Variants in CAGE1 observed in about 807,000 individuals in gnomAD.
The protein encoded by CAGE1 is cancer antigen 1.
Under a neutral mutation model 94.9 loss-of-function variants are expected in CAGE1, and 66 were observed. The ratio of observed to expected loss-of-function variants is 0.70; its 90% CI spans 0.57 to 0.85. The LOEUF is 0.85. CAGE1 is among the 40% of genes least tolerant of loss of function. CAGE1 has a pLI of 0.00. For missense variants in CAGE1, 865 were observed against 950.4 expected (o/e 0.91, Z 1.18); for synonymous variants, 319 against 321.0 (o/e 0.99, Z 0.07).
intron 11 of CAGE1, among the ~76,000 whole-genome samples, chr6:7,353,731 ACACACACACACG>A (rs1438188819): frequency 7.4e-6 from 1 of 134,328 alleles, no homozygotes; most frequent in African/African-American, 2.9e-5. Context: ...ACACACACAC[ACACACACACACG>A]ATGGAATACT....
intron 12 of CAGE1, 90 bp from the exon 13 acceptor site, chr6:7,329,978 AT>A (rs2113337772): frequency 1.6e-6 from 1 of 622,766 alleles, no homozygotes; most frequent in East Asian, 2.8e-5. Flanking sequence ...TATTTAGCAT[AT>A]TTTCCCCTCA....
At chr6:7,355,908 C>A in intron 10 of CAGE1, 117 bp downstream of exon 10, 1 of 611,754 alleles carries the variant, frequency 1.6e-6, no homozygotes, top group South Asian at 2.0e-5. Flanking sequence ...GAGACTGAGG[C>A]AAGGAGGCTT....
Position 7,365,706 on chromosome 6 carries a change from G to A in CAGE1, c.2085+98C>T, listed in dbSNP as rs941612100. 11 of 1,329,080 alleles carry A rather than the reference G, an allele frequency of 8.3e-6. No individual in the cohort carries two copies. The African/African-American group carries it at 1.5e-4, about 18-fold the overall frequency. The allele number at this position is 1,329,080 out of a possible 1,614,324, so 82.3% of individuals were successfully genotyped here. A position where few individuals can be genotyped will look rare whatever the true frequency, so the allele number is the denominator to read the frequency against. ...TGGAATAATAAAAGTGCAGAACTTA[G>A]AACTAGAAGTACTTCAACAAATTTA... On this transcript the variant is annotated intron_variant, in intron 8 of 13. Coordinates refer to ENST00000502583, the MANE Select transcript of CAGE1 (RefSeq NM_001170692.2).
chr6:7,378,563 G>T, intron 4 of CAGE1, 54 bp downstream of exon 4: 1 of 1,457,424 alleles, frequency 6.9e-7, no homozygotes, highest in East Asian at 2.3e-5. Context: ...GATGAACTAG[G>T]TTAGAACTAT....
Position 7,387,200 on chromosome 6 carries a change from T to C in CAGE1, c.-23-4A>G. The C allele has an allele frequency of 7.3e-7, 1 of 1,365,184 alleles. No individual in the cohort carries two copies. Among genetic ancestry groups the C allele is most frequent in the South Asian group, 1.4e-5 (1 of 71,834 alleles). 84.6% of individuals were successfully genotyped at this position (1,365,184 alleles called of 1,614,324 possible). On this transcript the variant is annotated splice_region_variant and splice_polypyrimidine_tract_variant and intron_variant, in intron 1 of 13. Coordinates refer to ENST00000502583, the MANE Select transcript of CAGE1 (RefSeq NM_001170692.2). ...ACTGTTGAACAATAGAAGACTTCTTTAAAAAAAAAATGTGTCTATTAGTAG... is the reference window on the plus strand; with the variant it reads ...ACTGTTGAACAATAGAAGACTTCTTCAAAAAAAAAATGTGTCTATTAGTAG...
At chr6:7,345,264 C>T (rs962062017) in intron 11 of CAGE1, among the ~76,000 whole-genome samples, 32 of 152,156 alleles carry the variant, frequency 2.1e-4, no homozygotes, top group African/African-American at 6.8e-4. Context: ...AGACACGCTA[C>T]CTTAAGAGTT....
intron 11 of CAGE1, among the ~76,000 whole-genome samples, chr6:7,354,341 G>A (rs1759881099): frequency 6.6e-6 from 1 of 152,086 alleles, no homozygotes; most frequent in Non-Finnish European, 1.5e-5. Flanking sequence ...TGAAAAAATG[G>A]AAAAACTGTT....
Position 7,362,674 on chromosome 6 carries a change from T to C in CAGE1, c.2193+2794A>G, listed in dbSNP as rs1208802401. On this transcript the variant is annotated intron_variant, in intron 9 of 13. Transcript: ENST00000502583. The surrounding 1 kb of genome is among the most constrained non-coding windows in gnomAD (Gnocchi z 4.1). ...CTGCACTCCAGCGGCCACACCTTGCTGGCCCAGAGTTCCTTAGAGAATGAG... is the reference window on the plus strand; with the variant it reads ...CTGCACTCCAGCGGCCACACCTTGCCGGCCCAGAGTTCCTTAGAGAATGAG... 6.6e-6 allele frequency among the ~76,000 whole-genome samples: 1 copy of C among 152,204 alleles called. No homozygotes were observed. The highest frequency in any genetic ancestry group is 1.5e-5 in the Non-Finnish European group (1 of 68,032).
chr6:7,340,818 C>T, intron 11 of CAGE1: 1 of 406,422 alleles, frequency 2.5e-6, no homozygotes, highest in Non-Finnish European at 4.8e-6. Flanking sequence ...CTCAATGCAT[C>T]TTCCAACTGC....
At chr6:7,377,935 A>G (rs1023746378) in intron 4 of CAGE1, among the ~76,000 whole-genome samples, 3 of 152,214 alleles carry the variant, frequency 2.0e-5, no homozygotes, top group African/African-American at 4.8e-5. Flanking sequence ...TGATAAACTA[A>G]TATTTTCACT....
intron 11 of CAGE1, among the ~76,000 whole-genome samples, chr6:7,343,966 G>A (rs1308911129): frequency 3.3e-5 from 5 of 152,348 alleles, no homozygotes; most frequent in Admixed American, 2.0e-4. Context: ...CAGACAGCAC[G>A]TAATGTTGTT....
chr6:7,359,599 A>G (rs1760103297), intron 9 of CAGE1, among the ~76,000 whole-genome samples: 1 of 152,136 alleles, frequency 6.6e-6, no homozygotes, highest in African/African-American at 2.4e-5. Context: ...CCTTTTGGAG[A>G]GCTGCTCCCC....
chr6:7,326,918 A>G lies in CAGE1; in HGVS notation c.2479-19T>C. 6.4e-7 allele frequency: 1 copy of G among 1,574,578 alleles called. No homozygotes were observed. Among genetic ancestry groups the G allele is most frequent in the Non-Finnish European group, 8.7e-7 (1 of 1,145,154 alleles). ...CTGGCATCTAAAAATGAAAGGAAAA[A>G]TGTTTCGTAAGTTTTGGGGAAAGAC... On this transcript the variant is annotated intron_variant, in intron 13 of 13. Coordinates refer to ENST00000502583, the MANE Select transcript of CAGE1 (RefSeq NM_001170692.2).
chr6:7,346,500 G>GA (rs1759544990), intron 11 of CAGE1, among the ~76,000 whole-genome samples: 1 of 152,030 alleles, frequency 6.6e-6, no homozygotes, highest in Admixed American at 6.6e-5. Flanking sequence ...AGTGAGCCAA[G>GA]ACTGCGCCAC....
At chr6:7,340,640 A>C (rs891686326) in intron 11 of CAGE1, among the ~76,000 whole-genome samples, 6 of 152,174 alleles carry the variant, frequency 3.9e-5, no homozygotes, top group African/African-American at 1.4e-4. Flanking sequence ...CAGCTTAAGG[A>C]GGGTGATGAC....
At position 7,387,200 on chromosome 6, in the gene CAGE1, T is replaced by TAAA; in HGVS notation, c.-23-7_-23-5dup. Reference sequence around the variant, plus strand: ...ACTGTTGAACAATAGAAGACTTCTTTAAAAAAAAAATGTGTCTATTAGTAG... The same window carrying TAAA: ...ACTGTTGAACAATAGAAGACTTCTTTAAAAAAAAAAAAATGTGTCTATTAGTAG... On this transcript the variant is annotated splice_polypyrimidine_tract_variant and splice_region_variant and intron_variant, in intron 1 of 13. Transcript: ENST00000502583. 3.7e-6 allele frequency: 5 copies of TAAA among 1,365,044 alleles called. No individual in the cohort carries two copies. Among genetic ancestry groups the TAAA allele is most frequent in the Non-Finnish European group, 3.0e-6 (3 of 1,007,484 alleles). 84.6% of individuals were successfully genotyped at this position (1,365,044 alleles called of 1,614,324 possible).
chr6:7,369,809 T>G (rs984196161), intron 6 of CAGE1, 110 bp downstream of exon 6: 4 of 1,103,346 alleles, frequency 3.6e-6, no homozygotes, highest in Non-Finnish European at 5.0e-6. Flanking sequence ...TTATCTTCAA[T>G]TCTTCATTTT....
intron 11 of CAGE1, among the ~76,000 whole-genome samples, chr6:7,353,532 AC>A (rs1246484329): frequency 6.6e-6 from 1 of 152,142 alleles, no homozygotes; most frequent in Non-Finnish European, 1.5e-5. Context: ...TGATCCAGCA[AC>A]CCCAATACTG....
chr6:7,352,219 A>G (rs1408586015), intron 11 of CAGE1, among the ~76,000 whole-genome samples: 1 of 150,378 alleles, frequency 6.6e-6, no homozygotes, highest in Non-Finnish European at 1.5e-5. Context: ...ACAAATCAGT[A>G]GCTCTTCTAT....
Sources: allele counts gnomAD v4.1 joint callset (sites outside exome capture counted in the v4.1 genomes callset), GRCh38; gene constraint gnomAD v4.1.1; non-coding constraint Gnocchi (gnomAD v3.1); transcripts MANE v1.5; gene names NCBI Gene and HGNC (gene_info 2026-07-23, HGNC 2026-07-21).